The following BMP6 variants were observed in gnomAD, a reference collection of about 807,000 sequenced individuals.
The protein encoded by BMP6 is VG-1-R.
BMP6 carries 17 observed loss-of-function variants against 54.1 expected under a neutral mutation model. The ratio of observed to expected loss-of-function variants is 0.31; its 90% CI spans 0.22 to 0.47. BMP6 has a LOEUF of 0.47. Ranked by LOEUF, BMP6 falls within the 20% of genes least tolerant of loss-of-function variation. BMP6 has a pLI of 1.00. For missense variants in BMP6, 720 were observed against 690.4 expected (o/e 1.04, Z -0.48); for synonymous variants, 328 against 291.2 (o/e 1.13, Z -1.28).
intron 4 of BMP6, among the ~76,000 whole-genome samples, chr6:7,869,301 A>G (rs894661934): frequency 3.3e-4 from 50 of 152,228 alleles, no homozygotes; most frequent in African/African-American, 1.1e-3. Context: ...ATCATGGCAT[A>G]TAGGGATTGA....
intron 1 of BMP6, among the ~76,000 whole-genome samples, chr6:7,777,933 G>A (rs1182155235): frequency 6.6e-6 from 1 of 152,152 alleles, no homozygotes; most frequent in South Asian, 2.1e-4. Flanking sequence ...TTAAGGAATA[G>A]TGATGGCATT....
chr6:7,769,431 G>A (rs766540566), intron 1 of BMP6, among the ~76,000 whole-genome samples: 4 of 152,230 alleles, frequency 2.6e-5, no homozygotes, highest in South Asian at 2.1e-4. Context: ...CTAGCATGCA[G>A]CAGAGTTTGC....
chr6:7,818,909 C>T (rs958437455), intron 1 of BMP6, among the ~76,000 whole-genome samples: 5 of 152,180 alleles, frequency 3.3e-5, no homozygotes, highest in African/African-American at 7.2e-5. Context: ...TTTATAAACA[C>T]GTGAAATTGG....
intron 1 of BMP6, among the ~76,000 whole-genome samples, chr6:7,769,879 C>CAG (rs1212690022): frequency 6.6e-6 from 1 of 152,190 alleles, no homozygotes; most frequent in Non-Finnish European, 1.5e-5. Context: ...ATAATGACAA[C>CAG]AGGCATCCTT....
intron 1 of BMP6, among the ~76,000 whole-genome samples, chr6:7,844,211 C>A (rs900527002): frequency 5.9e-5 from 9 of 152,204 alleles, no homozygotes; most frequent in Non-Finnish European, 2.9e-5. Context: ...TTGCAAGTGG[C>A]AGAAGCTCTC....
chr6:7,758,517 G>A (rs750922704), intron 1 of BMP6, among the ~76,000 whole-genome samples: 1 of 152,076 alleles, frequency 6.6e-6, no homozygotes, highest in Non-Finnish European at 1.5e-5. Flanking sequence ...CAACAACTAC[G>A]GTTTGCAACC....
At chr6:7,804,990 C>T (rs1758327760) in intron 1 of BMP6, among the ~76,000 whole-genome samples, 2 of 152,134 alleles carry the variant, frequency 1.3e-5, no homozygotes, top group African/African-American at 4.8e-5. Flanking sequence ...TCTCAGGTCA[C>T]ACCAGAGGGA....
At chr6:7,867,439 A>C (rs1759442447) in intron 4 of BMP6, among the ~76,000 whole-genome samples, 1 of 152,198 alleles carries the variant, frequency 6.6e-6, no homozygotes, top group Non-Finnish European at 1.5e-5. Flanking sequence ...ATTTCAAGGA[A>C]ATCCAGTCCA....
chr6:7,768,840 T>C (rs745590597), intron 1 of BMP6, among the ~76,000 whole-genome samples: 13 of 152,218 alleles, frequency 8.5e-5, no homozygotes, highest in Non-Finnish European at 1.6e-4. Flanking sequence ...TTTGTGGCTT[T>C]CTTGTTGTAC....
chr6:7,740,298 G>C (rs270410), intron 1 of BMP6, among the ~76,000 whole-genome samples: 142,853 of 152,224 alleles, frequency 0.94, 67,087 homozygotes, highest in East Asian at 1. Flanking sequence ...CAGAGCATGC[G>C]CCAAGTGTGG....
intron 2 of BMP6, among the ~76,000 whole-genome samples, chr6:7,852,267 G>C (rs916994243): frequency 6.6e-6 from 1 of 152,116 alleles, no homozygotes; most frequent in East Asian, 1.9e-4. Flanking sequence ...CTAGAGTTTA[G>C]CCCTTTCAGC....
chr6:7,805,949 C>T (rs1293500946), intron 1 of BMP6, among the ~76,000 whole-genome samples: 21 of 152,176 alleles, frequency 1.4e-4, no homozygotes, highest in Admixed American at 1.4e-3. Context: ...ATGACTGCAG[C>T]CACATTCAGG....
chr6:7,733,102 C>T (rs1251118234), intron 1 of BMP6, among the ~76,000 whole-genome samples: 1 of 151,848 alleles, frequency 6.6e-6, no homozygotes, highest in African/African-American at 2.4e-5. Flanking sequence ...GCTGGGGTTT[C>T]ACCATGTTGG....
intron 2 of BMP6, among the ~76,000 whole-genome samples, chr6:7,847,838 A>G (rs1759089117): frequency 6.6e-6 from 1 of 152,222 alleles, no homozygotes; most frequent in African/African-American, 2.4e-5. Flanking sequence ...TTTAAAAAGA[A>G]AAAAGGTGGC....
chr6:7,744,843 T>C (rs1170495002), intron 1 of BMP6, among the ~76,000 whole-genome samples: 2 of 152,204 alleles, frequency 1.3e-5, no homozygotes, highest in Non-Finnish European at 2.9e-5. Context: ...GCTGTTGGTT[T>C]CCTGTTGGCA....
chr6:7,855,924 T>C (rs1437969709), intron 2 of BMP6, among the ~76,000 whole-genome samples: 1 of 152,094 alleles, frequency 6.6e-6, no homozygotes, highest in Non-Finnish European at 1.5e-5. Context: ...CATTAATATA[T>C]GTGAGAGTAC....
rs528941409 is a variant in BMP6, at chr6:7,870,580, C to T, written c.1204+8082C>T. On this transcript the variant is annotated intron_variant, in intron 4 of 6. Coordinates refer to ENST00000283147, the MANE Select transcript of BMP6 (RefSeq NM_001718.6). ...ATCATGGAGAGTCTTGCTGAAGAAC[C>T]TTCCTTAGGGGAAACAGGCATGTCT... Among the ~76,000 whole-genome samples, 8 of 152,222 alleles carry T rather than the reference C, an allele frequency of 5.3e-5. 2 individuals carry two copies. The highest frequency in any genetic ancestry group is 1.9e-4 in the African/African-American group (8 of 41,530).
At chr6:7,867,237 C>T (rs890963836) in intron 4 of BMP6, among the ~76,000 whole-genome samples, 1 of 152,114 alleles carries the variant, frequency 6.6e-6, no homozygotes, top group African/African-American at 2.4e-5. Flanking sequence ...CTTTAAGGAC[C>T]TTGGGGGAAA....
At chr6:7,728,348 C>T (rs1761786241) in intron 1 of BMP6, among the ~76,000 whole-genome samples, 1 of 152,244 alleles carries the variant, frequency 6.6e-6, no homozygotes, top group Non-Finnish European at 1.5e-5. Flanking sequence ...GCAGCCCAAG[C>T]TGCACGGGCA....
Sources: allele counts gnomAD v4.1 joint callset (sites outside exome capture counted in the v4.1 genomes callset), GRCh38; gene constraint gnomAD v4.1.1; transcripts MANE v1.5; gene names NCBI Gene and HGNC (gene_info 2026-07-23, HGNC 2026-07-21).